TRPC7: variants seen among roughly 807,000 people sequenced by gnomAD.
TRPC7 encodes the protein transient receptor potential cation channel subfamily C member 7, also known as short transient receptor potential channel 7.
In TRPC7, 42 loss-of-function variants were observed where a neutral mutation model predicts 90.1. That is an observed-to-expected ratio of 0.47 (90% confidence interval 0.36 to 0.60). The LOEUF (loss-of-function observed/expected upper bound fraction) is 0.60, where lower values mean the gene tolerates loss of function less well. Among genes scored for constraint, TRPC7 ranks in the 20% least tolerant of loss-of-function variants. The probability of loss-of-function intolerance (pLI) is 0.00; values close to 1 mark genes in which losing one functional copy is unlikely to be tolerated. For synonymous variants in TRPC7, 451 were observed against 436.3 expected, an observed-to-expected ratio of 1.03 and a Z score of -0.42; for missense variants, 955 against 1,112.3, an observed-to-expected ratio of 0.86 and a Z score of 2.01.
At chr5:136,281,409 G>A (rs919129019) in intron 3 of TRPC7, among the ~76,000 whole-genome samples, 2 of 152,188 alleles carry the variant, frequency 1.3e-5, no homozygotes, top group Admixed American at 6.5e-5. Context: ...CTTGAAAAGT[G>A]CAGACTCCAT....
chr5:136,337,765 CA>C (rs1449070924), intron 2 of TRPC7, among the ~76,000 whole-genome samples: 1 of 151,514 alleles, frequency 6.6e-6, no homozygotes, highest in Non-Finnish European at 1.5e-5. Context: ...GAACTTCAAA[CA>C]AAATTAACAA....
At chr5:136,240,124 T>C (rs1361807746) in intron 7 of TRPC7, among the ~76,000 whole-genome samples, 1 of 152,232 alleles carries the variant, frequency 6.6e-6, no homozygotes, top group Non-Finnish European at 1.5e-5. Flanking sequence ...TTTAATCTTC[T>C]GCCATCTACC....
At chr5:136,260,332 A>G (rs192391935) in intron 5 of TRPC7, among the ~76,000 whole-genome samples, 1 of 152,376 alleles carries the variant, frequency 6.6e-6, no homozygotes, top group African/African-American at 2.4e-5. Flanking sequence ...CAGAGAAACA[A>G]AAAAGAGGGA....
intron 8 of TRPC7, among the ~76,000 whole-genome samples, chr5:136,228,915 C>T (rs936257888): frequency 2.5e-4 from 38 of 152,268 alleles, no homozygotes; most frequent in African/African-American, 8.7e-4. Flanking sequence ...CATCACATGC[C>T]GTGGGCTTGC....
At chr5:136,264,905 A>G (rs1019588405) in intron 5 of TRPC7, among the ~76,000 whole-genome samples, 31 of 152,076 alleles carry the variant, frequency 2.0e-4, no homozygotes, top group Non-Finnish European at 3.1e-4. Flanking sequence ...TGCTGGTTTT[A>G]TAAAGTCCCT....
At chr5:136,325,419 T>C (rs72797013) in intron 2 of TRPC7, among the ~76,000 whole-genome samples, 1 of 152,302 alleles carries the variant, frequency 6.6e-6, no homozygotes, top group Non-Finnish European at 1.5e-5. Flanking sequence ...TTTCCCTTCT[T>C]CCCTCTCTCC....
chr5:136,357,627 G>A (rs976628599), intron 1 of TRPC7, among the ~76,000 whole-genome samples: 1 of 152,160 alleles, frequency 6.6e-6, no homozygotes, highest in Non-Finnish European at 1.5e-5. Flanking sequence ...TGGAGACGGG[G>A]TGGCAGAGCT....
chr5:136,320,826 AC>A (rs1255621417), intron 2 of TRPC7, among the ~76,000 whole-genome samples: 1 of 152,052 alleles, frequency 6.6e-6, no homozygotes, highest in Admixed American at 6.6e-5. Context: ...GCCTTCTCTG[AC>A]TATCTTTTTA....
chr5:136,230,736 C>G (rs998515821), intron 8 of TRPC7, among the ~76,000 whole-genome samples: 1 of 152,202 alleles, frequency 6.6e-6, no homozygotes, highest in African/African-American at 2.4e-5. Context: ...TACATTCTCT[C>G]AACCCCTTTA....
At chr5:136,237,788 T>A (rs1397062670) in intron 7 of TRPC7, among the ~76,000 whole-genome samples, 1 of 152,234 alleles carries the variant, frequency 6.6e-6, no homozygotes, top group Non-Finnish European at 1.5e-5. Flanking sequence ...TTACTAGTGT[T>A]CATTTTTTAC....
At chr5:136,360,116 A>T (rs931725960) in intron 1 of TRPC7, among the ~76,000 whole-genome samples, 11 of 152,186 alleles carry the variant, frequency 7.2e-5, no homozygotes, top group African/African-American at 2.7e-4. Flanking sequence ...CCATGGAGAG[A>T]TTAACTCAAA....
At chr5:136,298,554 C>T (rs1254087084) in intron 3 of TRPC7, among the ~76,000 whole-genome samples, 2 of 152,202 alleles carry the variant, frequency 1.3e-5, no homozygotes, top group African/African-American at 4.8e-5. Context: ...AGAAATTCCC[C>T]AAAGCCAGAG....
chr5:136,243,313 T>C (rs997316752), intron 7 of TRPC7, among the ~76,000 whole-genome samples: 3 of 148,536 alleles, frequency 2.0e-5, no homozygotes, highest in Non-Finnish European at 3.0e-5. Context: ...TGCCCTTGGA[T>C]GTGGCAGGAA....
chr5:136,354,428 TA>T (rs1350627163), intron 2 of TRPC7, among the ~76,000 whole-genome samples: 1 of 152,170 alleles, frequency 6.6e-6, no homozygotes, highest in African/African-American at 2.4e-5. Context: ...GTAAACTTTT[TA>T]AATAATTATT....
chr5:136,335,482 A>C (rs539242429), intron 2 of TRPC7, among the ~76,000 whole-genome samples: 2 of 152,132 alleles, frequency 1.3e-5, no homozygotes, highest in East Asian at 3.9e-4. Flanking sequence ...CCTTCTCCCC[A>C]TACCCACAGG....
At chr5:136,244,374 G>A (rs1237145003) in intron 7 of TRPC7, among the ~76,000 whole-genome samples, 1 of 152,184 alleles carries the variant, frequency 6.6e-6, no homozygotes, top group African/African-American at 2.4e-5. Context: ...TTCTGAGGGA[G>A]TGAGGGACTG....
At chr5:136,237,785 T>A (rs1756029346) in intron 7 of TRPC7, among the ~76,000 whole-genome samples, 1 of 152,218 alleles carries the variant, frequency 6.6e-6, no homozygotes, top group African/African-American at 2.4e-5. Context: ...TTATTACTAG[T>A]GTTCATTTTT....
At chr5:136,220,778 C>A (rs1755428025) in intron 10 of TRPC7, among the ~76,000 whole-genome samples, 1 of 152,128 alleles carries the variant, frequency 6.6e-6, no homozygotes, top group South Asian at 2.1e-4. Context: ...CACTCCCTCC[C>A]CTTTTGAAAT....
At chr5:136,297,688 ACTT>A (rs751210281) in intron 3 of TRPC7, among the ~76,000 whole-genome samples, 2 of 152,112 alleles carry the variant, frequency 1.3e-5, no homozygotes, top group Non-Finnish European at 2.9e-5. Flanking sequence ...TATGTAAATG[ACTT>A]CTTTTTAGTT....
Sources: gnomAD v4.1 joint callset for allele counts (sites outside exome capture counted in the v4.1 genomes callset) on GRCh38, gnomAD v4.1.1 for gene constraint, MANE v1.5 for transcripts, NCBI Gene and HGNC (gene_info 2026-07-23, HGNC 2026-07-21) for gene names.